Variants in LRRC73 observed in about 807,000 individuals in gnomAD.
LRRC73 encodes the protein leucine-rich repeat-containing protein 73.
Under a neutral mutation model 26.4 loss-of-function variants are expected in LRRC73, and 16 were observed. The observed-to-expected ratio is 0.61, with a 90% CI of 0.41 to 0.92. The LOEUF is 0.92. LRRC73 is among the 40% of genes least tolerant of loss of function. LRRC73 has a pLI of 0.00. For missense variants in LRRC73, 344 were observed against 416.3 expected, an observed-to-expected ratio of 0.83 and a Z score of 1.51; for synonymous variants, 210 against 179.8, an observed-to-expected ratio of 1.17 and a Z score of -1.34.
chr6:43,509,245 G>A (rs139777963), intron 1 of LRRC73, among the ~76,000 whole-genome samples: 52 of 152,334 alleles, frequency 3.4e-4, no homozygotes, highest in African/African-American at 1.2e-3. Flanking sequence ...CTGCCCCAGT[G>A]AAGTAAATGC....
chr6:43,509,407 T>G, intron 1 of LRRC73, 107 bp downstream of exon 1: 2 of 1,335,926 alleles, frequency 1.5e-6, no homozygotes, highest in Non-Finnish European at 2.0e-6. Flanking sequence ...GCATAAGGCA[T>G]GTGAAGGTAG....
intron 1 of LRRC73, 30 bp from the exon 2 acceptor site, chr6:43,508,950 G>A: frequency 6.5e-7 from 1 of 1,547,090 alleles, no homozygotes; most frequent in East Asian, 2.3e-5. Context: ...CAGGGTTACT[G>A]CAGTCCTCCG....
In LRRC73 at chr6:43,507,311, G is replaced by A. The variant is rs1291372787; in HGVS notation, c.881-3C>T. On this transcript the variant is annotated splice_polypyrimidine_tract_variant and splice_region_variant and intron_variant, in intron 5 of 5. Transcript: ENST00000372441. ...TAGCACCATCTGAGAGCTGGGATCT[G>A]TGGAAGGGCAGAGAAGTGTTCAGAC... 1.9e-6 allele frequency: 3 copies of A among 1,613,910 alleles called. No individual in the cohort carries two copies. Among genetic ancestry groups the A allele is most frequent in the Non-Finnish European group, 2.5e-6 (3 of 1,180,036 alleles).
chr6:43,507,508 C>T lies in LRRC73; in HGVS notation c.828G>A (p.Gly276=), dbSNP rs1030560384. The T allele has an allele frequency of 2.5e-6, 4 of 1,613,340 alleles. No individual in the cohort carries two copies. In the African/African-American group the frequency reaches 5.3e-5, roughly 21 times the overall value. ...CTCTCTGGTGGGCAGCAGGCTCCCG[C>T]CCTCTCTCCCATTCCTGGGTGTCGC... The change falls in exon 5 of 6, where the codon GGG becomes GGA. Residue 276 remains glycine, a synonymous_variant. Transcript: ENST00000372441.
At chr6:43,507,036 G>A (rs1343789154) in exon 6 of LRRC73, 31 of 590,360 alleles carry the variant, frequency 5.3e-5, no homozygotes, top group South Asian at 4.8e-4. Flanking sequence ...AGGCATTGCC[G>A]TGGGTTCAAG....
intron 3 of LRRC73, 132 bp downstream of exon 3, chr6:43,508,166 C>G: frequency 7.5e-7 from 1 of 1,340,766 alleles, no homozygotes; most frequent in Non-Finnish European, 1.0e-6. Context: ...ACAAAGCTAT[C>G]TCCTTGACCC....
chr6:43,508,505 T>C (rs1201697963), intron 2 of LRRC73, 85 bp from the exon 3 acceptor site: 1 of 1,586,076 alleles, frequency 6.3e-7, no homozygotes, highest in Non-Finnish European at 8.6e-7. Context: ...GTCTCTGGGG[T>C]GTCCCTAGTG....
At chr6:43,507,119 G>GC in exon 6 of LRRC73, 1 of 1,010,190 alleles carries the variant, frequency 9.9e-7, no homozygotes, top group Non-Finnish European at 1.5e-6. Flanking sequence ...AGCTGCCAGA[G>GC]CCCCCATGCA....
chr6:43,507,113 G>T, exon 6 of LRRC73: 1 of 975,084 alleles, frequency 1.0e-6, no homozygotes, highest in Non-Finnish European at 1.6e-6. Context: ...GCCAGGAGCT[G>T]CCAGAGCCCC....
At position 43,509,499 on chromosome 6, in the gene LRRC73, A is replaced by G. The variant is rs1309807350; in HGVS notation, c.272+15T>C. The G allele has an allele frequency of 6.3e-7, 1 of 1,592,542 alleles. No individual in the cohort carries two copies. The highest frequency in any genetic ancestry group is 8.6e-7 in the Non-Finnish European group (1 of 1,168,124). ...GTGCAGTGCCCGGGACCCCCTTGCG[A>G]GGGGGCGCACTCACAAGAGGGACTG... On this transcript the variant is annotated intron_variant, in intron 1 of 5. Transcript: ENST00000372441.
intron 5 of LRRC73, 40 bp from the exon 6 acceptor site, chr6:43,507,348 C>G (rs768089717): frequency 1.2e-6 from 2 of 1,612,288 alleles, no homozygotes; most frequent in Admixed American, 3.3e-5. Context: ...ACCATTCCTT[C>G]CTCCAATGGG....
In LRRC73 at chr6:43,508,251, T is replaced by C. The variant is rs761404279; in HGVS notation, c.556+47A>G. On this transcript the variant is annotated intron_variant, in intron 3 of 5. Coordinates refer to ENST00000372441, the Ensembl canonical transcript of LRRC73. Reference sequence around the variant, plus strand: ...CAACTGATGGTCCCAGGCTCTTGGATAGGGCATGAGGCAGTGACAGCCCAA... The same window carrying C: ...CAACTGATGGTCCCAGGCTCTTGGACAGGGCATGAGGCAGTGACAGCCCAA... 6.4e-6 allele frequency: 10 copies of C among 1,562,626 alleles called. No homozygotes were observed. In the African/African-American group the frequency reaches 1.2e-4, roughly 19 times the overall value.
At chr6:43,508,857 G>A (rs1387557703) in exon 2 of LRRC73, 1 of 1,612,960 alleles carries the variant, frequency 6.2e-7, no homozygotes, top group African/African-American at 1.3e-5. Context: ...CGAGGGCAGG[G>A]TGGAGGGCCA....
At chr6:43,510,243 T>G in exon 1 of LRRC73, 1 of 153,652 alleles carries the variant, frequency 6.5e-6, no homozygotes, top group South Asian at 1.8e-4. Context: ...TCCCTCCTTC[T>G]CTGCCGCCCG....
Position 43,509,513 on chromosome 6 carries a change from C to CA in LRRC73, c.272dup (p.Leu92ProfsTer36). ...ACCCCCTTGCGAGGGGGCGCACTCA[C>CA]AAGAGGGACTGGATGGAGCGGTTGG... On this transcript the variant is annotated frameshift_variant and splice_region_variant. Transcript: ENST00000372441. LOFTEE classifies it high-confidence loss of function. The CA allele has an allele frequency of 6.2e-7, 1 of 1,603,210 alleles. No homozygotes were observed. Among genetic ancestry groups the CA allele is most frequent in the East Asian group, 2.2e-5 (1 of 44,602 alleles).
At chr6:43,508,944 G>A in intron 1 of LRRC73, 24 bp from the exon 2 acceptor site, 2 of 1,564,960 alleles carry the variant, frequency 1.3e-6, no homozygotes, top group South Asian at 1.2e-5. Context: ...AGAGAGCAGG[G>A]TTACTGCAGT....
intron 2 of LRRC73, 36 bp from the exon 3 acceptor site, chr6:43,508,456 G>C: frequency 6.2e-7 from 1 of 1,612,348 alleles, no homozygotes; most frequent in Non-Finnish European, 8.5e-7. Flanking sequence ...AGAATAGGGA[G>C]GGTTAAGCCC....
At chr6:43,508,484 A>G in intron 2 of LRRC73, 64 bp from the exon 3 acceptor site, 1 of 1,606,956 alleles carries the variant, frequency 6.2e-7, no homozygotes, top group South Asian at 1.1e-5. Context: ...GCCCTTCCCC[A>G]CAATCCCTGT....
intron 2 of LRRC73, 144 bp from the exon 3 acceptor site, chr6:43,508,564 G>A (rs1441313215): frequency 1.4e-6 from 2 of 1,406,846 alleles, no homozygotes; most frequent in African/African-American, 2.9e-5. Flanking sequence ...CCATTAAGGA[G>A]GCCCATGCTT....
Sources: allele counts gnomAD v4.1 joint callset (sites outside exome capture counted in the v4.1 genomes callset), GRCh38; gene constraint gnomAD v4.1.1; transcripts MANE v1.5; gene names NCBI Gene and HGNC (gene_info 2026-07-23, HGNC 2026-07-21).